Variants in EXOC1 observed in about 807,000 individuals in gnomAD.
EXOC1 encodes SEC3-like 1.
In EXOC1, 67 loss-of-function variants were observed where a neutral mutation model predicts 107.7. The ratio of observed to expected loss-of-function variants is 0.62; its 90% CI spans 0.51 to 0.76. The LOEUF (loss-of-function observed/expected upper bound fraction) is 0.76. Ranked by LOEUF, EXOC1 falls within the 30% of genes least tolerant of loss-of-function variation. EXOC1 has a pLI of 0.00. For synonymous variants in EXOC1, 348 were observed against 353.5 expected (o/e 0.98, Z 0.17); for missense variants, 833 against 1,055.7 (o/e 0.79, Z 2.92).
At chr4:55,876,195 C>T (rs1722881278) in intron 8 of EXOC1, 33 of 985,300 alleles carry the variant, frequency 3.3e-5, no homozygotes, top group Non-Finnish European at 4.0e-5. Flanking sequence ...CCCAGGCATT[C>T]TAAAAATACA....
intron 18 of EXOC1, among the ~76,000 whole-genome samples, 192 bp downstream of exon 18, chr4:55,902,730 C>T (rs567358066): frequency 7.0e-4 from 106 of 151,984 alleles, no homozygotes; most frequent in African/African-American, 2.5e-3. Flanking sequence ...CTGCTTATTT[C>T]GTATTTCTGC....
At position 55,893,729 on chromosome 4, in the gene EXOC1, T is replaced by C. The variant is rs1214109234; in HGVS notation, c.1902T>C (p.Thr634=). ...TGGACCCTGCTTCTTTCCTAAGTAC[T>C]ACATTGGGAAATGTTTTGGTGACTG... ...QNVDPASFLS[T]TLGNVLVTVK... is the part of the protein sequence containing the mutation. Residue 634 remains threonine (T), a synonymous_variant, in exon 15 of 19, where the codon ACT becomes ACC. Transcript: ENST00000381295. The C allele has an allele frequency of 6.2e-7, 1 of 1,614,146 alleles. No individual in the cohort carries two copies. The highest frequency in any genetic ancestry group is 1.1e-5 in the South Asian group (1 of 91,054).
chr4:55,856,175 C>A (rs551290322), intron 1 of EXOC1, among the ~76,000 whole-genome samples: 1 of 152,212 alleles, frequency 6.6e-6, no homozygotes, highest in African/African-American at 2.4e-5. Flanking sequence ...ACGCAATGAG[C>A]GTGGATATGT....
chr4:55,903,116 C>A (rs1726162177), intron 18 of EXOC1, among the ~76,000 whole-genome samples: 1 of 146,928 alleles, frequency 6.8e-6, no homozygotes. Flanking sequence ...TGCACTCCAG[C>A]CTACGCAACA....
At chr4:55,862,264 C>A (rs947981073) in intron 3 of EXOC1, among the ~76,000 whole-genome samples, 7 of 151,522 alleles carry the variant, frequency 4.6e-5, no homozygotes. Context: ...TTGCTGAATG[C>A]TTATTTGAAT....
At chr4:55,867,257 T>G (rs548079144) in intron 4 of EXOC1, among the ~76,000 whole-genome samples, 1 of 152,294 alleles carries the variant, frequency 6.6e-6, no homozygotes, top group South Asian at 2.1e-4. Context: ...ATCGGTAATA[T>G]CTCTCTAAAG....
Position 55,871,841 on chromosome 4 carries a change from T to A in EXOC1, c.965-8T>A. 6.2e-7 allele frequency: 1 copy of A among 1,612,110 alleles called. No individual in the cohort carries two copies. The highest frequency in any genetic ancestry group is 1.1e-5 in the South Asian group (1 of 90,754). On this transcript the variant is annotated splice_polypyrimidine_tract_variant and splice_region_variant and intron_variant, in intron 7 of 18. Transcript: ENST00000381295. ...TTAAACTGGTCACAAAATGTCGTTC[T>A]GTGTCAGGCCATGACTTGCTTCTGG... is the stretch of plus-strand genomic sequence containing the variant.
intron 1 of EXOC1, among the ~76,000 whole-genome samples, chr4:55,854,685 C>G (rs1476214082): frequency 6.6e-6 from 1 of 152,182 alleles, no homozygotes; most frequent in African/African-American, 2.4e-5. Flanking sequence ...TGGCTAACTC[C>G]TTTATGAGGT....
rs1385048620 is a variant in EXOC1, at chr4:55,870,723, C to T, written c.649C>T (p.Leu217=). 4 of 1,613,770 alleles carry T rather than the reference C, an allele frequency of 2.5e-6. No individual in the cohort carries two copies. The highest frequency in any genetic ancestry group is 1.1e-5 in the South Asian group (1 of 91,062). ...IMASEKQVNI[L]MKLLDEALKE... ...GGCATCTGAAAAACAAGTCAACATCCTGATGAAATTGCTAGATGAGGCTCT... is the reference window on the plus strand; with the variant it reads ...GGCATCTGAAAAACAAGTCAACATCTTGATGAAATTGCTAGATGAGGCTCT... Residue 217 remains leucine, a synonymous_variant, in exon 6 of 19, where the codon CTG becomes TTG. Transcript: ENST00000381295.
chr4:55,880,438 TTTGTC>T (rs2110353740), intron 9 of EXOC1, among the ~76,000 whole-genome samples: 1 of 152,256 alleles, frequency 6.6e-6, no homozygotes, highest in African/African-American at 2.4e-5. Flanking sequence ...TATATTTTCT[TTTGTC>T]TTGTTTTCAT....
chr4:55,901,949 C>G (rs925325139), intron 17 of EXOC1, among the ~76,000 whole-genome samples: 3 of 151,868 alleles, frequency 2.0e-5, no homozygotes, highest in Non-Finnish European at 4.4e-5. Context: ...TTTCTAAAGT[C>G]TCACTAGATT....
chr4:55,886,684 A>G (rs1202919786), intron 10 of EXOC1, among the ~76,000 whole-genome samples: 1 of 152,146 alleles, frequency 6.6e-6, no homozygotes, highest in Non-Finnish European at 1.5e-5. Flanking sequence ...AATGAATGAA[A>G]ATTAAGTAAT....
chr4:55,881,168 A>C (rs1723343732), intron 9 of EXOC1, among the ~76,000 whole-genome samples: 1 of 152,104 alleles, frequency 6.6e-6, no homozygotes, highest in African/African-American at 2.4e-5. Flanking sequence ...TGGTATACAG[A>C]AAATAGTTGT....
intron 13 of EXOC1, among the ~76,000 whole-genome samples, chr4:55,892,298 C>T (rs772320829): frequency 2.6e-5 from 4 of 151,802 alleles, no homozygotes; most frequent in Non-Finnish European, 5.9e-5. Context: ...TGTGTTTGGA[C>T]GTTTTCTATT....
intron 1 of EXOC1, among the ~76,000 whole-genome samples, chr4:55,854,225 C>CT (rs1391112924): frequency 8.3e-6 from 1 of 120,920 alleles, no homozygotes; most frequent in Non-Finnish European, 1.6e-5. Flanking sequence ...GTGTATTTCT[C>CT]TATTTCCTTG....
intron 8 of EXOC1, among the ~76,000 whole-genome samples, chr4:55,874,452 T>C (rs994942944): frequency 6.6e-6 from 1 of 152,140 alleles, no homozygotes; most frequent in Non-Finnish European, 1.5e-5. Context: ...AGAATTTCCT[T>C]TCCGATTTTA....
At chr4:55,886,262 T>C (rs1312379899) in intron 10 of EXOC1, among the ~76,000 whole-genome samples, 5 of 152,084 alleles carry the variant, frequency 3.3e-5, no homozygotes, top group Non-Finnish European at 7.4e-5. Flanking sequence ...TTTATCAAAA[T>C]GTAACTCCAG....
intron 9 of EXOC1, among the ~76,000 whole-genome samples, chr4:55,882,117 GTA>G (rs1723448682): frequency 2.0e-5 from 3 of 151,596 alleles, no homozygotes; most frequent in Non-Finnish European, 2.9e-5. Flanking sequence ...TGTTGTTGTT[GTA>G]TTGTGTTTTG....
intron 9 of EXOC1, among the ~76,000 whole-genome samples, chr4:55,880,236 G>A (rs1723270669): frequency 1.3e-5 from 2 of 151,050 alleles, no homozygotes; most frequent in Non-Finnish European, 3.0e-5. Context: ...TCTAAACTGA[G>A]ATAATAAGAA....
Sources: gnomAD v4.1 joint callset for allele counts (sites outside exome capture counted in the v4.1 genomes callset) on GRCh38, gnomAD v4.1.1 for gene constraint, MANE v1.5 for transcripts, NCBI Gene and HGNC (gene_info 2026-07-23, HGNC 2026-07-21) for gene names.